BAZ1A: variants seen among roughly 807,000 people sequenced by gnomAD.
BAZ1A encodes the protein bromodomain adjacent to zinc finger domain protein 1A.
A neutral mutation model predicts 185.2 loss-of-function variants in BAZ1A; 50 were observed. The ratio of observed to expected loss-of-function variants is 0.27; its 90% CI spans 0.22 to 0.34. BAZ1A has a LOEUF of 0.34. Ranked by LOEUF, BAZ1A falls within the 10% of genes least tolerant of loss-of-function variation. The pLI, the probability that BAZ1A is intolerant of heterozygous loss-of-function variation, is 1.00. For synonymous variants in BAZ1A, 571 were observed against 615.6 expected, an observed-to-expected ratio of 0.93 and a Z score of 1.07; for missense variants, 1,356 against 1,839.9, an observed-to-expected ratio of 0.74 and a Z score of 4.81.
intron 6 of BAZ1A, among the ~76,000 whole-genome samples, chr14:34,804,362 T>C (rs929145811): frequency 2.0e-5 from 3 of 152,240 alleles, no homozygotes; most frequent in East Asian, 1.9e-4. Context: ...TTTGACCTAA[T>C]GGCCAAGATC....
At chr14:34,787,219 G>A (rs896513336) in intron 12 of BAZ1A, among the ~76,000 whole-genome samples, 1 of 151,162 alleles carries the variant, frequency 6.6e-6, no homozygotes, top group South Asian at 2.1e-4. Flanking sequence ...TGGGTGTGGT[G>A]GCGCATGCCT....
intron 11 of BAZ1A, among the ~76,000 whole-genome samples, chr14:34,793,515 A>G (rs2138636241): frequency 6.6e-6 from 1 of 152,360 alleles, no homozygotes; most frequent in African/African-American, 2.4e-5. Context: ...TTAAAATAAG[A>G]GTGGCATTAT....
intron 4 of BAZ1A, among the ~76,000 whole-genome samples, chr14:34,822,599 G>C (rs2042104752): frequency 6.6e-6 from 1 of 151,728 alleles, no homozygotes; most frequent in Admixed American, 6.6e-5. Context: ...TGGGTGACAG[G>C]GTGAGACCCT....
At chr14:34,851,849 C>A (rs545528768) in intron 3 of BAZ1A, among the ~76,000 whole-genome samples, 1 of 152,136 alleles carries the variant, frequency 6.6e-6, no homozygotes, top group Admixed American at 6.5e-5. Flanking sequence ...CCACATAGGC[C>A]GGGCGTGGTG....
intron 15 of BAZ1A, 131 bp from the exon 16 acceptor site, chr14:34,783,363 A>C (rs1880175238): frequency 1.8e-6 from 1 of 552,314 alleles, no homozygotes; most frequent in East Asian, 3.3e-5. Context: ...GTAATCATTC[A>C]TAAGCTTTTT....
At position 34,784,379 on chromosome 14, in the gene BAZ1A, A is replaced by C. The variant is rs1468195552; in HGVS notation, c.1832-452T>G. Among the ~76,000 whole-genome samples the C allele has an allele frequency of 1.1e-3, 160 of 148,276 alleles. 2 individuals are homozygous for C. The highest frequency in any genetic ancestry group is 2.0e-3 in the African/African-American group (82 of 40,764). On this transcript the variant is annotated intron_variant, in intron 14 of 26. Transcript: ENST00000360310. ...TGAGACTCTGTCTCAAAAAAAAAAAAAAAAAAAAAAAAAAAAGGCAACTTT... is the reference window on the plus strand; with the variant it reads ...TGAGACTCTGTCTCAAAAAAAAAAACAAAAAAAAAAAAAAAAGGCAACTTT...
chr14:34,789,578 A>G (rs575449722), intron 12 of BAZ1A, among the ~76,000 whole-genome samples: 4 of 152,218 alleles, frequency 2.6e-5, no homozygotes, highest in Non-Finnish European at 4.4e-5. Flanking sequence ...ACACTAGACA[A>G]TGATCCAACA....
intron 4 of BAZ1A, among the ~76,000 whole-genome samples, chr14:34,824,930 T>C (rs2042143896): frequency 6.6e-6 from 1 of 152,132 alleles, no homozygotes; most frequent in African/African-American, 2.4e-5. Flanking sequence ...GAATAGTCAT[T>C]GAGGAGAACA....
intron 21 of BAZ1A, among the ~76,000 whole-genome samples, chr14:34,766,210 G>A (rs1040166257): frequency 6.6e-6 from 1 of 152,122 alleles, no homozygotes; most frequent in Non-Finnish European, 1.5e-5. Flanking sequence ...GAGATAATAC[G>A]CATAAGGCAT....
chr14:34,798,436 C>A (rs1211925835), intron 9 of BAZ1A, among the ~76,000 whole-genome samples: 2 of 152,208 alleles, frequency 1.3e-5, no homozygotes, highest in Non-Finnish European at 2.9e-5. Context: ...GGCCAACTGA[C>A]ACATCATATG....
At chr14:34,865,770 T>C (rs1036828665) in intron 2 of BAZ1A, among the ~76,000 whole-genome samples, 2 of 152,104 alleles carry the variant, frequency 1.3e-5, no homozygotes, top group African/African-American at 4.8e-5. Context: ...TAAAAAGCAG[T>C]TATCCTTATA....
intron 5 of BAZ1A, among the ~76,000 whole-genome samples, chr14:34,809,712 TG>T (rs2041902632): frequency 6.6e-6 from 1 of 152,154 alleles, no homozygotes; most frequent in African/African-American, 2.4e-5. Flanking sequence ...GCTGTAACCA[TG>T]GCCTAGCAGA....
chr14:34,854,092 T>TAC (rs111242330), intron 3 of BAZ1A, among the ~76,000 whole-genome samples: 1 of 151,804 alleles, frequency 6.6e-6, no homozygotes, highest in African/African-American at 2.4e-5. Flanking sequence ...GTGAAAGGGA[T>TAC]AGAGAGAGAA....
intron 25 of BAZ1A, among the ~76,000 whole-genome samples, chr14:34,756,829 C>T (rs779142991): frequency 3.3e-5 from 5 of 152,078 alleles, no homozygotes; most frequent in Admixed American, 6.6e-5. Flanking sequence ...TCAGCATCAT[C>T]TGGGGACTTG....
intron 2 of BAZ1A, among the ~76,000 whole-genome samples, chr14:34,868,874 TTCTC>T (rs1328992074): frequency 2.1e-5 from 3 of 140,760 alleles, no homozygotes; most frequent in South Asian, 2.4e-4. Context: ...AACACACTCA[TTCTC>T]TCTATGTATG....
In BAZ1A at chr14:34,792,765, G is replaced by C. The variant is rs376613891; in HGVS notation, c.1510+10C>G. 1 of 1,612,090 alleles carries C rather than the reference G, an allele frequency of 6.2e-7. No homozygotes were observed. Among genetic ancestry groups the C allele is most frequent in the South Asian group, 1.1e-5 (1 of 90,454 alleles). On this transcript the variant is annotated intron_variant, in intron 12 of 26. Coordinates refer to ENST00000360310, the MANE Select transcript of BAZ1A (RefSeq NM_013448.3). The stretch of plus-strand genomic sequence containing the variant: ...CTATGGTTCAATCAGCAATAATGTT[G>C]AACTCTGACCTTTGGTGTCAGCATC...
intron 24 of BAZ1A, among the ~76,000 whole-genome samples, chr14:34,760,169 T>TA (rs1265772621): frequency 6.6e-6 from 1 of 152,200 alleles, no homozygotes; most frequent in Admixed American, 6.5e-5. Context: ...TGTTTGTCCT[T>TA]AGTACCAGGC....
intron 20 of BAZ1A, among the ~76,000 whole-genome samples, chr14:34,773,322 TAA>T (rs961699289): frequency 6.8e-6 from 1 of 146,516 alleles, no homozygotes; most frequent in African/African-American, 2.5e-5. Flanking sequence ...GTTCAAAGAT[TAA>T]AAAAAAAAAC....
chr14:34,764,054 T>C (rs1192354268), intron 23 of BAZ1A, among the ~76,000 whole-genome samples: 1 of 152,092 alleles, frequency 6.6e-6, no homozygotes, highest in East Asian at 1.9e-4. Flanking sequence ...TCCACACTCA[T>C]TCGCTAGGCC....
Sources: allele counts gnomAD v4.1 joint callset (sites outside exome capture counted in the v4.1 genomes callset), GRCh38; gene constraint gnomAD v4.1.1; transcripts MANE v1.5; gene names NCBI Gene and HGNC (gene_info 2026-07-23, HGNC 2026-07-21).